CNTNAP3B: variants seen among roughly 807,000 people sequenced by gnomAD.
CNTNAP3B encodes the protein contactin associated protein family member 3B, also known as contactin-associated protein-like 3B.
A neutral mutation model predicts 108.9 loss-of-function variants in CNTNAP3B; 25 were observed. The observed-to-expected ratio is 0.23, with a 90% confidence interval of 0.17 to 0.32. The LOEUF is 0.32. Among genes scored for constraint, CNTNAP3B ranks in the 10% least tolerant of loss-of-function variants. The pLI, the probability that CNTNAP3B is intolerant of heterozygous loss-of-function variation, is 1.00. For synonymous variants in CNTNAP3B, 103 were observed against 473.4 expected (o/e 0.22, Z 10.16); for missense variants, 252 against 1,210.4 (o/e 0.21, Z 11.75).
intron 17 of CNTNAP3B, among the ~76,000 whole-genome samples, chr9:41,922,093 T>G (rs1417881496): frequency 2.1e-5 from 3 of 141,590 alleles, no homozygotes; most frequent in Non-Finnish European, 4.6e-5. Flanking sequence ...ATCTCTCTCA[T>G]TAGCTGGTTA....
In CNTNAP3B at chr9:42,049,343, C is replaced by T. The variant is rs1424111962; in HGVS notation, c.390+27526G>A. Among the ~76,000 whole-genome samples, 4 of 139,926 alleles carry T rather than the reference C, an allele frequency of 2.9e-5. 1 individual carries two copies. The highest frequency in any genetic ancestry group is 1.1e-4 in the African/African-American group (4 of 35,328). The allele number at this position is 139,926 out of a possible 152,430, so 91.8% of individuals were successfully genotyped here. A position where few individuals can be genotyped will look rare whatever the true frequency, so the allele number is the denominator to read the frequency against. ...TCTTTCTGATTTTCATTATCAGCCT[C>T]TCTTGATCTAACTGTCCTCTCCACA... On this transcript the variant is annotated intron_variant, in intron 3 of 23. Transcript: ENST00000377561.
At chr9:41,967,950 AC>A (rs1245060858) in intron 10 of CNTNAP3B, among the ~76,000 whole-genome samples, 1 of 152,234 alleles carries the variant, frequency 6.6e-6, no homozygotes, top group African/African-American at 2.4e-5. Context: ...TTTACAAGTA[AC>A]TTTGGGGTAC....
chr9:41,959,426 A>G (rs1242420027), intron 12 of CNTNAP3B, among the ~76,000 whole-genome samples: 41 of 152,394 alleles, frequency 2.7e-4, no homozygotes, highest in African/African-American at 9.9e-4. Context: ...TTCCCCTACC[A>G]TTAGCTAGAT....
chr9:41,948,242 C>T (rs1414133695), intron 13 of CNTNAP3B, among the ~76,000 whole-genome samples: 8 of 146,090 alleles, frequency 5.5e-5, no homozygotes, highest in Non-Finnish European at 9.1e-5. Context: ...TAGGTGTGTG[C>T]CACCACACCC....
At position 42,124,231 on chromosome 9, in the gene CNTNAP3B, A is replaced by G. The variant is rs1828520567; in HGVS notation, c.85+4779T>C. On this transcript the variant is annotated intron_variant, in intron 1 of 23. Transcript: ENST00000377561. ...CAAAAATGTTCATTAACTGGAACAC[A>G]TGCAGTATCATTTTTTAGCCCCCAC... Among the ~76,000 whole-genome samples the G allele has an allele frequency of 2.3e-5, 3 of 132,774 alleles. No individual in the cohort carries two copies. In the South Asian group the frequency reaches 7.4e-4, roughly 33 times the overall value. 87.1% of individuals were successfully genotyped at this position (132,774 alleles called of 152,430 possible).
In CNTNAP3B at chr9:42,091,899, T is replaced by A. The variant is rs1170213003; in HGVS notation, c.196+12730A>T. On this transcript the variant is annotated intron_variant, in intron 2 of 23. Coordinates refer to ENST00000377561, the MANE Select transcript of CNTNAP3B (RefSeq NM_001201380.3). ...AGGAAGATACATGGAAGAAAAACCATGTTCTCTAAAACCCCATAAAGCTAA... is the reference window on the plus strand; with the variant it reads ...AGGAAGATACATGGAAGAAAAACCAAGTTCTCTAAAACCCCATAAAGCTAA... Among the ~76,000 whole-genome samples the A allele has an allele frequency of 2.0e-5, 2 of 102,212 alleles. 1 individual carries two copies. Among genetic ancestry groups the A allele is most frequent in the African/African-American group, 7.5e-5 (2 of 26,840 alleles). 67.1% of individuals were successfully genotyped at this position (102,212 alleles called of 152,430 possible).
At chr9:42,052,110 CA>C (rs1361813690) in intron 3 of CNTNAP3B, among the ~76,000 whole-genome samples, 10 of 142,302 alleles carry the variant, frequency 7.0e-5, no homozygotes, top group African/African-American at 2.7e-4. Flanking sequence ...GAATGCAGAT[CA>C]AATCTGACTT....
chr9:42,044,910 T>G (rs915947037), intron 3 of CNTNAP3B, among the ~76,000 whole-genome samples: 2 of 103,160 alleles, frequency 1.9e-5, no homozygotes, highest in African/African-American at 7.2e-5. Context: ...AAAAATGTAC[T>G]GGACTGTGAT....
chr9:42,097,297 A>T, intron 2 of CNTNAP3B, among the ~76,000 whole-genome samples: 1 of 140,228 alleles, frequency 7.1e-6, no homozygotes, highest in South Asian at 2.3e-4. Context: ...CGTCCAAGTT[A>T]GTTCCAATTT....
intron 14 of CNTNAP3B, among the ~76,000 whole-genome samples, chr9:41,934,122 T>TATATATATATACACACACACACACACAC (rs1214326050): frequency 1.4e-5 from 1 of 73,474 alleles, no homozygotes; most frequent in African/African-American, 5.9e-5. Flanking sequence ...TATATATATA[T>TATATATATATACACACACACACACACAC]ACACACACAT....
intron 3 of CNTNAP3B, among the ~76,000 whole-genome samples, chr9:42,076,346 A>G (rs1385567413): frequency 7.6e-6 from 1 of 131,776 alleles, no homozygotes; most frequent in Non-Finnish European, 1.6e-5. Flanking sequence ...GAATTGTTTG[A>G]ACCTGGGAGG....
At chr9:42,063,734 T>C (rs1303997369) in intron 3 of CNTNAP3B, among the ~76,000 whole-genome samples, 1 of 137,990 alleles carries the variant, frequency 7.2e-6, no homozygotes, top group Non-Finnish European at 1.5e-5. Context: ...CTATATCTCT[T>C]TCTTTACAAT....
chr9:42,044,192 G>A lies in CNTNAP3B; in HGVS notation c.391-30667C>T, dbSNP rs1454568233. The stretch of plus-strand genomic sequence containing the variant: ...GCACAAGTAGTGATGCTGGCATATT[G>A]CTACAATTTTCTATTTTATTAGTGG... On this transcript the variant is annotated intron_variant, in intron 3 of 23. Transcript: ENST00000377561. Among the ~76,000 whole-genome samples the A allele has an allele frequency of 4.7e-3, 663 of 140,904 alleles. 1 individual carries two copies. The highest frequency in any genetic ancestry group is 0.017 in the African/African-American group (631 of 36,904). 92.4% of individuals were successfully genotyped at this position (140,904 alleles called of 152,430 possible).
At chr9:42,054,975 C>A (rs1413243347) in intron 3 of CNTNAP3B, among the ~76,000 whole-genome samples, 2 of 143,676 alleles carry the variant, frequency 1.4e-5, no homozygotes, top group African/African-American at 2.7e-5. Context: ...CACATCCCAG[C>A]CACTGCCCTT....
At position 42,054,673 on chromosome 9, in the gene CNTNAP3B, G is replaced by GA. The variant is rs549569598; in HGVS notation, c.390+22195dup. Among the ~76,000 whole-genome samples, 698 of 151,462 alleles carry GA rather than the reference G, an allele frequency of 4.6e-3. 1 individual carries two copies. The highest frequency in any genetic ancestry group is 0.016 in the African/African-American group (656 of 41,002). On this transcript the variant is annotated intron_variant, in intron 3 of 23. Transcript: ENST00000377561. ...ATCATTCATTCAACATTAAACATGG[G>GA]AAAAAAAGACTCATTAATTTAAAAA...
intron 12 of CNTNAP3B, chr9:41,959,996 C>CG (rs1491218961): frequency 7.3e-6 from 1 of 137,252 alleles, no homozygotes; most frequent in Admixed American, 7.3e-5. Flanking sequence ...TCTTTTTTTC[C>CG]TTTTTTTTTT....
intron 15 of CNTNAP3B, among the ~76,000 whole-genome samples, chr9:41,924,927 A>C (rs1362775196): frequency 2.0e-5 from 3 of 152,182 alleles, no homozygotes; most frequent in Non-Finnish European, 2.9e-5. Context: ...TGACATACTC[A>C]TGATTGGATT....
At chr9:41,937,114 T>TTTATTATTATTATTA (rs373324080) in intron 14 of CNTNAP3B, among the ~76,000 whole-genome samples, 696 of 141,394 alleles carry the variant, frequency 4.9e-3, no homozygotes, top group South Asian at 9.5e-3. Flanking sequence ...TATTTATTAA[T>TTTATTATTATTATTA]TTATTATTAT....
intron 14 of CNTNAP3B, among the ~76,000 whole-genome samples, chr9:41,935,076 C>A (rs1167447966): frequency 6.6e-6 from 1 of 152,256 alleles, no homozygotes; most frequent in African/African-American, 2.4e-5. Flanking sequence ...TGAACATAGT[C>A]CACTATACAT....
Sources: allele counts gnomAD v4.1 joint callset (sites outside exome capture counted in the v4.1 genomes callset), GRCh38; gene constraint gnomAD v4.1.1; transcripts MANE v1.5; gene names NCBI Gene and HGNC (gene_info 2026-07-23, HGNC 2026-07-21).